Variants in NAA38 observed in about 807,000 individuals in gnomAD.
The protein encoded by NAA38 is LSM domain containing 1.
NAA38 carries 15 observed loss-of-function variants against 12.6 expected under a neutral mutation model. The ratio of observed to expected loss-of-function variants is 1.19; its 90% confidence interval spans 0.79 to 1.83. The LOEUF (loss-of-function observed/expected upper bound fraction) is 1.83, where lower values mean the gene tolerates loss of function less well. Among genes scored for constraint, NAA38 ranks in the 40% most tolerant of loss-of-function variants. The pLI is 0.00. For missense variants in NAA38, 183 were observed against 171.7 expected, an observed-to-expected ratio of 1.07 and a Z score of -0.37; for synonymous variants, 88 against 69.9, an observed-to-expected ratio of 1.26 and a Z score of -1.29.
At position 7,857,330 on chromosome 17, in the gene NAA38, T is replaced by C. The variant is rs760190069; in HGVS notation, c.81+53A>G. On this transcript the variant is annotated intron_variant, in intron 1 of 2. Coordinates refer to ENST00000575771, the MANE Select transcript of NAA38 (RefSeq NM_001320925.4). ...CCGGGAGCTGCAGTTCCCCACCCCC[T>C]CCATCTTGCTGCTTGACTGCCCCTC... 1.4e-5 allele frequency: 23 copies of C among 1,611,150 alleles called. No homozygotes were observed. The African/African-American group carries it at 3.0e-4, about 21-fold the overall frequency.
Position 7,856,855 on chromosome 17 carries a change from G to GA in NAA38, c.266-13dup. On this transcript the variant is annotated splice_polypyrimidine_tract_variant and intron_variant, in intron 2 of 2. Transcript: ENST00000575771. ...GGCAGAGAAGGAATCTGGAAAGAAG[G>GA]ATCAGAGCATCAGGAAAGTAGGCCA... The GA allele has an allele frequency of 6.2e-7, 1 of 1,612,916 alleles. No homozygotes were observed. The highest frequency in any genetic ancestry group is 1.3e-5 in the African/African-American group (1 of 75,036).
intron 2 of NAA38, among the ~76,000 whole-genome samples, chr17:7,880,204 C>G (rs543501402): frequency 1.3e-5 from 2 of 151,798 alleles, no homozygotes; most frequent in South Asian, 2.1e-4. Flanking sequence ...GCCAATCAGA[C>G]AGAAGAGAGG....
At chr17:7,872,959 G>A (rs914330024) in intron 2 of NAA38, among the ~76,000 whole-genome samples, 4 of 152,142 alleles carry the variant, frequency 2.6e-5, no homozygotes, top group Non-Finnish European at 5.9e-5. Flanking sequence ...GAAAGATAAA[G>A]GATAATATGG....
At chr17:7,879,629 GTCT>G (rs1442191079) in intron 2 of NAA38, among the ~76,000 whole-genome samples, 2 of 141,594 alleles carry the variant, frequency 1.4e-5, no homozygotes, top group Non-Finnish European at 3.0e-5. Context: ...CACCTTAATA[GTCT>G]TCTCATTAAA....
intron 2 of NAA38, among the ~76,000 whole-genome samples, chr17:7,874,750 G>A (rs1967143420): frequency 6.6e-6 from 1 of 151,932 alleles, no homozygotes; most frequent in South Asian, 2.1e-4. Context: ...GCTGGGTGTG[G>A]TGGCGGGCGC....
chr17:7,878,247 T>C (rs1967209142), intron 2 of NAA38, among the ~76,000 whole-genome samples: 1 of 152,134 alleles, frequency 6.6e-6, no homozygotes, highest in Non-Finnish European at 1.5e-5. Flanking sequence ...TATAATGGTA[T>C]AGCTGATATA....
At chr17:7,868,164 A>G (rs1359702674) in intron 2 of NAA38, among the ~76,000 whole-genome samples, 1 of 152,170 alleles carries the variant, frequency 6.6e-6, no homozygotes, top group African/African-American at 2.4e-5. Flanking sequence ...ACGAAGTGCA[A>G]TCTACAGAGG....
chr17:7,885,343 G>GCCGCCGCCGCCA (rs1967712279), upstream of NAA38: 1 of 176,772 alleles, frequency 5.7e-6, no homozygotes, highest in Admixed American at 6.8e-5. Context: ...CGCCGCCGCC[G>GCCGCCGCCGCCA]CCACCCCGGC....
At chr17:7,868,827 A>G (rs1967034110) in intron 2 of NAA38, among the ~76,000 whole-genome samples, 1 of 152,246 alleles carries the variant, frequency 6.6e-6, no homozygotes, top group Non-Finnish European at 1.5e-5. Flanking sequence ...TGTGACTAAC[A>G]TTCAGTTTCC....
chr17:7,857,740 T>C (rs966916839), upstream of NAA38: 10 of 1,281,492 alleles, frequency 7.8e-6, no homozygotes, highest in Non-Finnish European at 7.9e-6. Context: ...TTAGCGAGAA[T>C]ACATTCTTTC....
chr17:7,859,323 G>A (rs994704000), upstream of NAA38: 3 of 1,381,708 alleles, frequency 2.2e-6, no homozygotes, highest in Admixed American at 1.8e-5. Flanking sequence ...TGATCCCAGC[G>A]TGTGTATATG....
At chr17:7,882,018 G>C (rs1967281501) in intron 2 of NAA38, among the ~76,000 whole-genome samples, 1 of 151,918 alleles carries the variant, frequency 6.6e-6, no homozygotes, top group Non-Finnish European at 1.5e-5. Flanking sequence ...AAAATCAAGA[G>C]GTCAGGAGAG....
At chr17:7,858,015 G>A (rs2078845584), upstream of NAA38, 10 of 1,526,402 alleles carry the variant, frequency 6.6e-6, no homozygotes, top group Admixed American at 1.2e-4. Flanking sequence ...TGGTTTCCAT[G>A]TCAGCGGATA....
intron 1 of NAA38, among the ~76,000 whole-genome samples, chr17:7,883,789 G>A (rs1472317630): frequency 6.6e-6 from 1 of 151,262 alleles, no homozygotes; most frequent in Non-Finnish European, 1.5e-5. Flanking sequence ...AATGCCTGAA[G>A]GGGAAAAAAA....
chr17:7,867,729 G>A (rs975524790), intron 2 of NAA38, among the ~76,000 whole-genome samples: 6 of 152,246 alleles, frequency 3.9e-5, no homozygotes, highest in South Asian at 2.1e-4. Flanking sequence ...ATGAGGGAGA[G>A]AAAGTGGAGA....
upstream of NAA38, chr17:7,857,954 A>C (rs575228859): frequency 6.9e-6 from 10 of 1,454,824 alleles, no homozygotes; most frequent in Admixed American, 1.3e-4. Flanking sequence ...CGTGCAGTCC[A>C]AACCCCGCCC....
chr17:7,882,751 TAAA>T (rs1238991961), intron 2 of NAA38, among the ~76,000 whole-genome samples: 1 of 152,034 alleles, frequency 6.6e-6, no homozygotes, highest in Non-Finnish European at 1.5e-5. Flanking sequence ...GGAACATTAA[TAAA>T]GAACATTTTA....
At chr17:7,884,721 A>AGATGGTGGTGTC in intron 1 of NAA38, 1 of 247,724 alleles carries the variant, frequency 4.0e-6, no homozygotes. Context: ...GAGGAGGAGG[A>AGATGGTGGTGTC]GGAGGAGGAG....
At chr17:7,878,198 T>G in intron 2 of NAA38, among the ~76,000 whole-genome samples, 1 of 152,040 alleles carries the variant, frequency 6.6e-6, no homozygotes. Context: ...TTCATTTAAG[T>G]TAAAGAAAGG....
Sources: allele counts gnomAD v4.1 joint callset (sites outside exome capture counted in the v4.1 genomes callset), GRCh38; gene constraint gnomAD v4.1.1; transcripts MANE v1.5; gene names NCBI Gene and HGNC (gene_info 2026-07-23, HGNC 2026-07-21).